Variants in SCN3A observed in about 807,000 individuals in gnomAD.
SCN3A encodes sodium voltage-gated channel alpha subunit 3.
Under a neutral mutation model 187.6 loss-of-function variants are expected in SCN3A, and 60 were observed. The observed-to-expected ratio is 0.32, with a 90% CI of 0.26 to 0.40. The LOEUF is 0.40. Ranked by LOEUF, SCN3A falls within the 10% of genes least tolerant of loss-of-function variation. The pLI is 1.00. For synonymous variants in SCN3A, 788 were observed against 829.2 expected (o/e 0.95, Z 0.85); for missense variants, 1,601 against 2,428.2 (o/e 0.66, Z 7.16).
Position 165,130,110 on chromosome 2 carries a change from C to T in SCN3A, c.2752G>A (p.Asp918Asn). 6.2e-7 allele frequency: 1 copy of T among 1,614,128 alleles called. No individual in the cohort carries two copies. The highest frequency in any genetic ancestry group is 8.5e-7 in the Non-Finnish European group (1 of 1,180,028). ...YKECVCKINDDCTLPRWHMND... is the reference protein window; with the variant it reads ...YKECVCKINDNCTLPRWHMND... The stretch of plus-strand genomic sequence containing the variant: ...ATGTGCCACCGTGGGAGCGTACAGT[C>T]ATCATTGATCTTGCAGACACATTCT... Residue 918 changes from aspartate to asparagine, a missense_variant, in exon 17 of 28, where the codon GAC becomes AAC. Asp to Asn is a conservative substitution (Grantham distance 23). Around this residue, in one of 11 missense-constraint regions of SCN3A, gnomAD observed 91 missense variants for 207.0 expected, o/e 0.44. Coordinates refer to ENST00000283254, the MANE Select transcript of SCN3A (RefSeq NM_006922.4).
chr2:165,155,598 C>T (rs1027425079), intron 10 of SCN3A, among the ~76,000 whole-genome samples, 164 bp downstream of exon 10: 16 of 152,084 alleles, frequency 1.1e-4, no homozygotes, highest in African/African-American at 1.9e-4. Context: ...GGGGTTTTGC[C>T]ATGTTGTTCA....
At chr2:165,097,207 A>C in intron 23 of SCN3A, 45 bp downstream of exon 23, 2 of 1,611,620 alleles carry the variant, frequency 1.2e-6, no homozygotes, top group Non-Finnish European at 1.7e-6. Flanking sequence ...ATCTTCCTTG[A>C]AACATCTTGA....
At chr2:165,165,162 A>G (rs898670966) in intron 5 of SCN3A, among the ~76,000 whole-genome samples, 1 of 151,760 alleles carries the variant, frequency 6.6e-6, no homozygotes, top group Non-Finnish European at 1.5e-5. Context: ...TTTTTTTTCA[A>G]TTTTTAAGAA....
chr2:165,139,645 C>G, intron 13 of SCN3A, 37 bp from the exon 14 acceptor site: 2 of 1,612,648 alleles, frequency 1.2e-6, no homozygotes, highest in East Asian at 2.2e-5. Context: ...ACCACTCTTC[C>G]CAATAAGTAA....
Position 165,161,457 on chromosome 2 carries a change from T to C in SCN3A, c.1031+851A>G, listed in dbSNP as rs535325027. Among the ~76,000 whole-genome samples the C allele has an allele frequency of 2.8e-4, 42 of 152,234 alleles. 1 individual carries two copies. In the South Asian group the frequency reaches 8.5e-3, roughly 31 times the overall value. Reference sequence around the variant, plus strand: ...TTACCCCCTACATTCATAATAAGGCTAGGAAAACTGTCAGGAAAAAAAATT... The same window carrying C: ...TTACCCCCTACATTCATAATAAGGCCAGGAAAACTGTCAGGAAAAAAAATT... On this transcript the variant is annotated intron_variant, in intron 9 of 27. Transcript: ENST00000283254.
At chr2:165,119,771 G>A (rs1417064803) in intron 18 of SCN3A, 4 of 152,036 alleles carry the variant, frequency 2.6e-5, no homozygotes, top group Non-Finnish European at 5.9e-5. Context: ...TGCCATAGCT[G>A]TGATACTACA....
chr2:165,128,176 A>T (rs975996248), intron 17 of SCN3A, 75 bp from the exon 18 acceptor site: 2 of 1,160,690 alleles, frequency 1.7e-6, no homozygotes, highest in African/African-American at 3.1e-5. Flanking sequence ...AAGGGAACTC[A>T]TAGATCTTTG....
At chr2:165,094,792 T>A (rs1357601838) in intron 25 of SCN3A, among the ~76,000 whole-genome samples, 1 of 152,192 alleles carries the variant, frequency 6.6e-6, no homozygotes, top group Non-Finnish European at 1.5e-5. Context: ...GCCGATAATT[T>A]TACTTCTTCA....
chr2:165,105,877 A>G (rs1459171272), intron 21 of SCN3A, among the ~76,000 whole-genome samples: 1 of 152,150 alleles, frequency 6.6e-6, no homozygotes, highest in Non-Finnish European at 1.5e-5. Flanking sequence ...AAGAAAAAAA[A>G]AGGATAATTT....
chr2:165,125,368 A>G (rs1324777567), intron 18 of SCN3A, among the ~76,000 whole-genome samples: 2 of 151,814 alleles, frequency 1.3e-5, no homozygotes, highest in African/African-American at 4.8e-5. Flanking sequence ...CAGTGGCGCA[A>G]TCTCCGCTCA....
chr2:165,186,911 C>T (rs963126989), intron 1 of SCN3A, among the ~76,000 whole-genome samples, 164 bp from the exon 2 acceptor site: 3 of 152,016 alleles, frequency 2.0e-5, no homozygotes, highest in Non-Finnish European at 4.4e-5. Flanking sequence ...TAAAAGCATG[C>T]CCTAGCATGA....
At chr2:165,112,815 C>A in intron 21 of SCN3A, 70 bp downstream of exon 21, 1 of 1,355,018 alleles carries the variant, frequency 7.4e-7, no homozygotes, top group African/African-American at 1.4e-5. Context: ...GTTTTAATAA[C>A]AGAAACATAT....
At chr2:165,106,850 G>C (rs1216138099) in intron 21 of SCN3A, among the ~76,000 whole-genome samples, 1 of 152,206 alleles carries the variant, frequency 6.6e-6, no homozygotes, top group Non-Finnish European at 1.5e-5. Flanking sequence ...TGCAGAGGTT[G>C]TGACTGGAGG....
At chr2:165,147,437 G>A (rs748878640) in intron 11 of SCN3A, among the ~76,000 whole-genome samples, 6 of 151,964 alleles carry the variant, frequency 3.9e-5, no homozygotes, top group Non-Finnish European at 7.4e-5. Flanking sequence ...CAGCTGAGTC[G>A]TATTTTTTCC....
intron 15 of SCN3A, among the ~76,000 whole-genome samples, chr2:165,134,835 G>A (rs1250691275): frequency 6.6e-6 from 1 of 151,772 alleles, no homozygotes; most frequent in African/African-American, 2.4e-5. Flanking sequence ...AACCATCCAG[G>A]TAAATAATCT....
intron 11 of SCN3A, among the ~76,000 whole-genome samples, chr2:165,152,735 T>C (rs937311851): frequency 6.6e-6 from 1 of 152,058 alleles, no homozygotes; most frequent in Non-Finnish European, 1.5e-5. Context: ...CCAGCACCTG[T>C]TGTTTCCTGA....
At chr2:165,164,364 C>T (rs377572657) in intron 6 of SCN3A, 28 bp downstream of exon 6, 71 of 1,613,274 alleles carry the variant, frequency 4.4e-5, no homozygotes, top group African/African-American at 5.3e-5. Context: ...CACTCCTTTG[C>T]GCTTATCAAA....
chr2:165,109,626 C>G (rs1193548289), intron 21 of SCN3A, among the ~76,000 whole-genome samples: 1 of 152,056 alleles, frequency 6.6e-6, no homozygotes, highest in Admixed American at 6.6e-5. Flanking sequence ...CTAAAATCTC[C>G]ACTTTCTTGC....
At chr2:165,141,138 A>G in intron 12 of SCN3A, 140 bp from the exon 13 acceptor site, 1 of 616,792 alleles carries the variant, frequency 1.6e-6, no homozygotes, top group Non-Finnish European at 2.8e-6. Flanking sequence ...TCAAATTTAT[A>G]GAGGACACAT....
Sources: gnomAD v4.1 joint callset for allele counts (sites outside exome capture counted in the v4.1 genomes callset) on GRCh38, gnomAD v4.1.1 for gene constraint, gnomAD v4.1.1 regional missense constraint, MANE v1.5 for transcripts, NCBI Gene and HGNC (gene_info 2026-07-23, HGNC 2026-07-21) for gene names.